The following SYNE1 variants were observed in gnomAD, a reference collection of about 807,000 sequenced individuals.
The protein encoded by SYNE1 is spectrin repeat containing nuclear envelope protein 1.
In SYNE1, 616 loss-of-function variants were observed where a neutral mutation model predicts 1,111.0. The observed-to-expected ratio is 0.55, with a 90% CI of 0.52 to 0.59. The LOEUF (loss-of-function observed/expected upper bound fraction) is 0.59. Among genes scored for constraint, SYNE1 ranks in the 20% least tolerant of loss-of-function variants. The pLI, the probability that SYNE1 is intolerant of heterozygous loss-of-function variation, is 0.00. For missense variants in SYNE1, 10,006 were observed against 10,417.0 expected, an observed-to-expected ratio of 0.96 and a Z score of 1.72; for synonymous variants, 3,855 against 3,825.8, an observed-to-expected ratio of 1.01 and a Z score of -0.28.
intron 131 of SYNE1, among the ~76,000 whole-genome samples, chr6:152,158,799 C>T (rs761757414): frequency 2.6e-5 from 4 of 152,170 alleles, no homozygotes; most frequent in Non-Finnish European, 5.9e-5. Context: ...TGGACATAAA[C>T]CATGCATTTA....
In SYNE1 at chr6:152,323,651, T is replaced by C. The variant is rs1339215928; in HGVS notation, c.15744A>G (p.Leu5248=). The part of the protein sequence containing the change: ...SAEKASKAEL[L]TLLEYHDTFV... ...ACGTGTCGTGGTATTCAAGAAGAGT[T>C]AAGAGCTCTGCTTTCGATGCTTTCT... is the stretch of plus-strand genomic sequence containing the variant. Residue 5248 remains leucine, a synonymous_variant, in exon 82 of 146, where the codon TTA becomes TTG. Coordinates refer to ENST00000367255, the MANE Select transcript of SYNE1 (RefSeq NM_182961.4). The C allele has an allele frequency of 6.2e-7, 1 of 1,614,112 alleles. No homozygotes were observed. Among genetic ancestry groups the C allele is most frequent in the African/African-American group, 1.3e-5 (1 of 74,944 alleles).
At chr6:152,574,506 C>A (rs1413382649) in intron 3 of SYNE1, among the ~76,000 whole-genome samples, 1 of 152,130 alleles carries the variant, frequency 6.6e-6, no homozygotes, top group Non-Finnish European at 1.5e-5. Flanking sequence ...TCACTTCTTT[C>A]ATGACTCTCT....
Position 152,338,938 on chromosome 6 carries a change from G to A in SYNE1, c.12351+303C>T, listed in dbSNP as rs34056981. On this transcript the variant is annotated intron_variant, in intron 75 of 145. Coordinates refer to ENST00000367255, the MANE Select transcript of SYNE1 (RefSeq NM_182961.4). ...GAAAAGGAGAAAAGAACAAAAAAAG[G>A]TGTGGCAAGATAGGAAAATTGAGAG... Among the ~76,000 whole-genome samples the A allele has an allele frequency of 0.032, 4,940 of 152,262 alleles. 99 individuals are homozygous for A. Among genetic ancestry groups the A allele is most frequent in the East Asian group, 0.082 (424 of 5,176 alleles).
In SYNE1 at chr6:152,381,504, T is replaced by C. The variant is rs546000770; in HGVS notation, c.8653-142A>G. On this transcript the variant is annotated intron_variant, in intron 55 of 145. Coordinates refer to ENST00000367255, the MANE Select transcript of SYNE1 (RefSeq NM_182961.4). ...CAAGGACCCAGAATCAATTCATCTGTCCACTCTTAAATTATAATAGCGGGA... is the reference window on the plus strand; with the variant it reads ...CAAGGACCCAGAATCAATTCATCTGCCCACTCTTAAATTATAATAGCGGGA... 5.2e-5 allele frequency: 44 copies of C among 841,386 alleles called. No homozygotes were observed. The African/African-American group carries it at 6.5e-4, about 12-fold the overall frequency. 52.1% of individuals were successfully genotyped at this position (841,386 alleles called of 1,614,324 possible). A position where few individuals can be genotyped will look rare whatever the true frequency, so the allele number is the denominator to read the frequency against.
At chr6:152,232,003 C>T in intron 113 of SYNE1, 113 bp downstream of exon 113, 4 of 779,546 alleles carry the variant, frequency 5.1e-6, no homozygotes, top group Non-Finnish European at 6.4e-6. Flanking sequence ...TATCTGGTCA[C>T]TGTGTAGGAA....
intron 32 of SYNE1, among the ~76,000 whole-genome samples, chr6:152,438,233 C>T (rs993136029): frequency 6.6e-6 from 1 of 152,062 alleles, no homozygotes; most frequent in African/African-American, 2.4e-5. Flanking sequence ...TACAAATCAC[C>T]ACATGATCTC....
intron 101 of SYNE1, among the ~76,000 whole-genome samples, chr6:152,259,710 A>G (rs2153639328): frequency 6.6e-6 from 1 of 152,292 alleles, no homozygotes; most frequent in East Asian, 1.9e-4. Flanking sequence ...TGTGCTCATT[A>G]TATGATCACT....
intron 135 of SYNE1, 107 bp from the exon 136 acceptor site, chr6:152,149,775 G>T: frequency 4.2e-6 from 4 of 945,014 alleles, no homozygotes; most frequent in East Asian, 2.6e-5. Context: ...ACATGTAGGG[G>T]CTATTTAATT....
intron 93 of SYNE1, among the ~76,000 whole-genome samples, chr6:152,296,840 C>G (rs1414835946): frequency 6.6e-6 from 1 of 151,434 alleles, no homozygotes; most frequent in African/African-American, 2.5e-5. Context: ...TTATGTGGAG[C>G]AGGAGCTGTC....
At chr6:152,518,752 G>T (rs1208339368) in intron 6 of SYNE1, among the ~76,000 whole-genome samples, 1 of 152,034 alleles carries the variant, frequency 6.6e-6, no homozygotes, top group African/African-American at 2.4e-5. Context: ...AGTAAAACTT[G>T]CAGTGTTTAA....
chr6:152,540,072 T>C (rs780521876), intron 3 of SYNE1, 51 bp from the exon 4 acceptor site: 1 of 1,570,980 alleles, frequency 6.4e-7, no homozygotes, highest in East Asian at 2.2e-5. Context: ...CATGAAGCTG[T>C]ATAATGAGAA....
rs185004308 is a variant in SYNE1 at position 152,230,142 on chromosome 6, C to T, written c.21195+405G>A. 9.2e-3 allele frequency among the ~76,000 whole-genome samples: 1,393 copies of T among 152,100 alleles called. 32 individuals are homozygous for T. Among genetic ancestry groups the T allele is most frequent in the African/African-American group, 0.032 (1,334 of 41,498 alleles). ...CGATCTCCTGAATTCAAGCAATCCT[C>T]CCACCTCAGCCTCCTGAGTAGCTGG... On this transcript the variant is annotated intron_variant, in intron 115 of 145. Coordinates refer to ENST00000367255, the MANE Select transcript of SYNE1 (RefSeq NM_182961.4).
At chr6:152,625,100 A>G (rs1291547676) in intron 3 of SYNE1, among the ~76,000 whole-genome samples, 1 of 151,894 alleles carries the variant, frequency 6.6e-6, no homozygotes, top group Non-Finnish European at 1.5e-5. Flanking sequence ...AAAATTAGCA[A>G]CTCTGGTTCT....
chr6:152,141,074 T>C (rs2058438647), intron 139 of SYNE1, 129 bp downstream of exon 139: 2 of 1,343,830 alleles, frequency 1.5e-6, no homozygotes, highest in Admixed American at 1.7e-5. Flanking sequence ...CTGTTATAAC[T>C]TGGAAGGAAG....
intron 3 of SYNE1, among the ~76,000 whole-genome samples, chr6:152,611,019 C>T (rs367902471): frequency 3.9e-5 from 6 of 152,246 alleles, no homozygotes; most frequent in East Asian, 1.9e-4. Flanking sequence ...AAGAAACAAT[C>T]GCTACCAGCC....
At chr6:152,566,985 C>CTGTGTGTGTGTGTGTGTG (rs59526151) in intron 3 of SYNE1, among the ~76,000 whole-genome samples, 1 of 146,552 alleles carries the variant, frequency 6.8e-6, no homozygotes, top group Non-Finnish European at 1.5e-5. Flanking sequence ...TCTTCACATA[C>CTGTGTGTGTGTGTGTGTG]TGTGTGTGTG....
chr6:152,436,517 T>C (rs2098475904), intron 32 of SYNE1, among the ~76,000 whole-genome samples: 1 of 152,054 alleles, frequency 6.6e-6, no homozygotes, highest in Non-Finnish European at 1.5e-5. Context: ...CCCAAGCTGA[T>C]CTTGAACTCC....
intron 3 of SYNE1, among the ~76,000 whole-genome samples, chr6:152,618,276 A>ATCTC (rs2128880401): frequency 6.6e-6 from 1 of 152,354 alleles, no homozygotes; most frequent in South Asian, 2.1e-4. Flanking sequence ...GAGCTGAAAA[A>ATCTC]GCAGGCCATG....
intron 13 of SYNE1, 107 bp downstream of exon 13, chr6:152,484,728 C>G: frequency 1.6e-6 from 2 of 1,212,986 alleles, no homozygotes; most frequent in Non-Finnish European, 2.4e-6. Flanking sequence ...TAGCCTCAGA[C>G]AGAGGCAGTA....
Sources: gnomAD v4.1 joint callset for allele counts (sites outside exome capture counted in the v4.1 genomes callset) on GRCh38, gnomAD v4.1.1 for gene constraint, MANE v1.5 for transcripts, NCBI Gene and HGNC (gene_info 2026-07-23, HGNC 2026-07-21) for gene names.